Variants in RYR2 observed in about 807,000 individuals in gnomAD.
The protein encoded by RYR2 is cardiac muscle ryanodine receptor-calcium release channel.
Under a neutral mutation model 601.1 loss-of-function variants are expected in RYR2, and 227 were observed. The ratio of observed to expected loss-of-function variants is 0.38; its 90% CI spans 0.34 to 0.42. RYR2 has a LOEUF of 0.42. Ranked by LOEUF, RYR2 falls within the 10% of genes least tolerant of loss-of-function variation. The pLI is 1.00. For missense variants in RYR2, 4,646 were observed against 6,156.5 expected (o/e 0.75, Z 8.21); for synonymous variants, 2,223 against 2,175.1 (o/e 1.02, Z -0.61).
intron 1 of RYR2, among the ~76,000 whole-genome samples, chr1:237,254,741 AATACATTT>A (rs1687784030): frequency 6.6e-6 from 1 of 152,206 alleles, no homozygotes. Context: ...GGTATGAATA[AATACATTT>A]AATGTTTCAT....
chr1:237,783,968 C>G lies in RYR2; in HGVS notation c.12256C>G (p.Arg4086Gly). The change falls in exon 90 of 105, where the codon CGC (arginine) becomes GGC (glycine). Residue 4086 changes from arginine to glycine, a missense_variant. By Grantham distance (125) the Arg-to-Gly change is moderately radical. Around this residue, in one of 17 missense-constraint regions of RYR2, gnomAD observed 66 missense variants for 80.7 expected, o/e 0.82. Transcript: ENST00000366574. Reference sequence around the variant, plus strand: ...CCTCGACTACGAAGAGTTCGTCAAACGCTTCCACGAACCTGCGAAGGACAT... The same window carrying G: ...CCTCGACTACGAAGAGTTCGTCAAAGGCTTCCACGAACCTGCGAAGGACAT... Reference protein sequence around the residue: ...ETLDYEEFVKRFHEPAKDIGF... With the variant: ...ETLDYEEFVKGFHEPAKDIGF... 1 of 1,613,738 alleles carries G rather than the reference C, an allele frequency of 6.2e-7. No homozygotes were observed. The highest frequency in any genetic ancestry group is 8.5e-7 in the Non-Finnish European group (1 of 1,179,766).
intron 1 of RYR2, among the ~76,000 whole-genome samples, chr1:237,148,549 TATATACACACACAC>T (rs1314540574): frequency 7.7e-6 from 1 of 130,296 alleles, no homozygotes; most frequent in Non-Finnish European, 1.5e-5. Flanking sequence ...TATATATATA[TATATACACACACAC>T]ATATATATAT....
At chr1:237,229,551 G>T (rs1684746385) in intron 1 of RYR2, among the ~76,000 whole-genome samples, 2 of 152,064 alleles carry the variant, frequency 1.3e-5, no homozygotes, top group Non-Finnish European at 2.9e-5. Flanking sequence ...TGGTGACCCG[G>T]AAGTGACCCT....
At chr1:237,057,229 AGGCT>A (rs1450356731) in intron 1 of RYR2, among the ~76,000 whole-genome samples, 1 of 152,044 alleles carries the variant, frequency 6.6e-6, no homozygotes, top group African/African-American at 2.4e-5. Context: ...TATGTCGCCC[AGGCT>A]GGAGTGCAGT....
At chr1:237,280,656 G>A (rs188039461) in intron 2 of RYR2, among the ~76,000 whole-genome samples, 225 of 152,276 alleles carry the variant, frequency 1.5e-3, no homozygotes, top group Non-Finnish European at 2.6e-3. Flanking sequence ...ACAGAGTTCC[G>A]ATAGAACAGA....
Position 237,783,722 on chromosome 1 carries a change from G to A in RYR2, c.12010G>A (p.Val4004Met). 6.2e-7 allele frequency: 1 copy of A among 1,612,014 alleles called. No individual in the cohort carries two copies. The highest frequency in any genetic ancestry group is 1.1e-5 in the South Asian group (1 of 90,686). Reference sequence around the variant, plus strand: ...TGGCAAACAGATGGTGGATATGCTTGTGGAATCTTCCAACAACGTGGAGAT... The same window carrying A: ...TGGCAAACAGATGGTGGATATGCTTATGGAATCTTCCAACAACGTGGAGAT... ...TIGKQMVDML[V>M]ESSNNVEMIL... The change falls in exon 90 of 105, where the codon GTG becomes ATG. Residue 4004 changes from valine (V) to methionine (M), a missense_variant. By Grantham distance (21) the Val-to-Met change is conservative. Transcript: ENST00000366574.
intron 10 of RYR2, among the ~76,000 whole-genome samples, chr1:237,394,054 AT>A (rs1319948519): frequency 3.3e-5 from 5 of 152,364 alleles, no homozygotes; most frequent in African/African-American, 7.2e-5. Flanking sequence ...ATACAAAAAA[AT>A]CTCTCGATGA....
chr1:237,573,254 A>G (rs1470904919), intron 29 of RYR2, among the ~76,000 whole-genome samples: 1 of 144,476 alleles, frequency 6.9e-6, no homozygotes, highest in Non-Finnish European at 1.5e-5. Context: ...ACACACACAC[A>G]CACGCATACA....
At chr1:237,657,888 T>G in intron 53 of RYR2, 56 bp from the exon 54 acceptor site, 2 of 954,592 alleles carry the variant, frequency 2.1e-6, no homozygotes, top group Non-Finnish European at 3.2e-6. Flanking sequence ...ATTATTAATA[T>G]GATTTCCTGT....
At chr1:237,585,901 G>A (rs1674469184) in intron 29 of RYR2, among the ~76,000 whole-genome samples, 1 of 151,996 alleles carries the variant, frequency 6.6e-6, no homozygotes, top group African/African-American at 2.4e-5. Context: ...TATTGCTTTT[G>A]AATATTTGGA....
At chr1:237,447,067 C>G (rs61833768) in intron 14 of RYR2, among the ~76,000 whole-genome samples, 1 of 151,904 alleles carries the variant, frequency 6.6e-6, no homozygotes, top group Non-Finnish European at 1.5e-5. Flanking sequence ...TTGAAATTGT[C>G]GATTTTATAT....
chr1:237,716,133 G>T (rs1455027644), intron 71 of RYR2, among the ~76,000 whole-genome samples: 1 of 151,938 alleles, frequency 6.6e-6, no homozygotes, highest in East Asian at 1.9e-4. Context: ...TTACATAATT[G>T]TATATTTTAT....
rs1338595874 is a variant in RYR2, at chr1:237,610,577, A to G, written c.4684-185A>G. On this transcript the variant is annotated intron_variant, in intron 35 of 104. Coordinates refer to ENST00000366574, the MANE Select transcript of RYR2 (RefSeq NM_001035.3). The surrounding 1 kb of genome is among the most constrained non-coding windows in gnomAD (Gnocchi z 4.9). ...GTGTAGGTATTCTCTCTCATAATGTATTTCCTGGTTTGTCCTTTCAGAAAC... is the reference window on the plus strand; with the variant it reads ...GTGTAGGTATTCTCTCTCATAATGTGTTTCCTGGTTTGTCCTTTCAGAAAC... Among the ~76,000 whole-genome samples the G allele has an allele frequency of 6.6e-6, 1 of 152,062 alleles. No homozygotes were observed. The highest frequency in any genetic ancestry group is 1.5e-5 in the Non-Finnish European group (1 of 68,018).
intron 63 of RYR2, among the ~76,000 whole-genome samples, chr1:237,697,452 T>A (rs922192590): frequency 7.0e-6 from 1 of 143,332 alleles, no homozygotes; most frequent in Non-Finnish European, 1.5e-5. Context: ...TTTATGTAAA[T>A]ATATATTATA....
At chr1:237,586,047 C>T (rs1674485709) in intron 29 of RYR2, among the ~76,000 whole-genome samples, 1 of 152,142 alleles carries the variant, frequency 6.6e-6, no homozygotes, top group Non-Finnish European at 1.5e-5. Flanking sequence ...CCATCACCTC[C>T]TTTTTAACTT....
chr1:237,631,529 T>A lies in RYR2; in HGVS notation c.6543T>A (p.Gly2181=). The part of the protein sequence containing the change: ...VMEVMVNVLG[G]GESKEITFPK... ...AGGTCATGGTGAACGTCCTTGGAGG[T>A]GGAGAGTCCAAGGTAACGTCTTTGA... is the stretch of plus-strand genomic sequence containing the variant. Residue 2181 remains glycine (G), a synonymous_variant, in exon 42 of 105, where the codon GGT becomes GGA. Coordinates refer to ENST00000366574, the MANE Select transcript of RYR2 (RefSeq NM_001035.3). 6.2e-7 allele frequency: 1 copy of A among 1,601,858 alleles called. No homozygotes were observed. Among genetic ancestry groups the A allele is most frequent in the Non-Finnish European group, 8.5e-7 (1 of 1,173,014 alleles).
chr1:237,091,549 C>T (rs563007178), intron 1 of RYR2, among the ~76,000 whole-genome samples: 127 of 152,106 alleles, frequency 8.3e-4, no homozygotes, highest in African/African-American at 2.9e-3. Flanking sequence ...CTCAGCCTCC[C>T]GAGTAGCTGG....
intron 1 of RYR2, among the ~76,000 whole-genome samples, chr1:237,179,386 G>T (rs1359667123): frequency 4.0e-5 from 6 of 151,768 alleles, no homozygotes; most frequent in Non-Finnish European, 8.9e-5. Context: ...TCAGAAGTTA[G>T]TATCAGATTT....
At chr1:237,202,083 A>G (rs1681258145) in intron 1 of RYR2, among the ~76,000 whole-genome samples, 1 of 152,238 alleles carries the variant, frequency 6.6e-6, no homozygotes, top group Non-Finnish European at 1.5e-5. Flanking sequence ...GTAGGATTCA[A>G]AAGATGCTAT....
Sources: allele counts gnomAD v4.1 joint callset (sites outside exome capture counted in the v4.1 genomes callset), GRCh38; gene constraint gnomAD v4.1.1; regional missense constraint gnomAD v4.1.1; non-coding constraint Gnocchi (gnomAD v3.1); transcripts MANE v1.5; gene names NCBI Gene and HGNC (gene_info 2026-07-23, HGNC 2026-07-21).